The following AGXT2 variants were observed in gnomAD, a reference collection of about 807,000 sequenced individuals.
The protein encoded by AGXT2 is alanine--glyoxylate aminotransferase 2.
AGXT2 carries 61 observed loss-of-function variants against 62.5 expected under a neutral mutation model. The observed-to-expected ratio is 0.98, with a 90% CI of 0.79 to 1.21. AGXT2 has a LOEUF of 1.21. AGXT2 is among the 50% of genes most tolerant of loss of function. The pLI is 0.00. For synonymous variants in AGXT2, 243 were observed against 218.7 expected (o/e 1.11, Z -0.98); for missense variants, 666 against 641.5 (o/e 1.04, Z -0.41).
chr5:35,005,382 C>T (rs1404461562), intron 12 of AGXT2, among the ~76,000 whole-genome samples: 1 of 152,196 alleles, frequency 6.6e-6, no homozygotes, highest in East Asian at 1.9e-4. Context: ...GCACCTGCCA[C>T]CACACCTGGC....
intron 4 of AGXT2, 104 bp downstream of exon 4, chr5:35,036,838 G>T: frequency 6.4e-7 from 1 of 1,564,044 alleles, no homozygotes; most frequent in Non-Finnish European, 8.7e-7. Context: ...TGCTTCCTAG[G>T]GACGCTCCCC....
intron 8 of AGXT2, 29 bp from the exon 9 acceptor site, chr5:35,025,884 T>G (rs763466313): frequency 2.3e-5 from 37 of 1,585,426 alleles, no homozygotes; most frequent in Middle Eastern, 1.7e-4. Flanking sequence ...AGAAGACCTA[T>G]AATAATAGCA....
chr5:35,016,897 G>A (rs896650259), intron 9 of AGXT2, among the ~76,000 whole-genome samples: 9 of 152,190 alleles, frequency 5.9e-5, no homozygotes, highest in Admixed American at 4.6e-4. Context: ...GCATATGTTA[G>A]GGACAGAAGC....
chr5:35,046,366 T>A (rs1213592025), intron 1 of AGXT2, among the ~76,000 whole-genome samples: 2 of 152,078 alleles, frequency 1.3e-5, no homozygotes, highest in African/African-American at 4.8e-5. Context: ...TGGAGTTAGG[T>A]GATGTTCTGG....
intron 13 of AGXT2, 22 bp from the exon 14 acceptor site, chr5:34,998,848 A>G: frequency 6.6e-7 from 1 of 1,515,782 alleles, no homozygotes; most frequent in Non-Finnish European, 9.2e-7. Flanking sequence ...CCAAAAAATA[A>G]GAAAACAAAT....
chr5:35,017,228 T>A (rs1561218689), intron 9 of AGXT2, among the ~76,000 whole-genome samples: 1 of 152,182 alleles, frequency 6.6e-6, no homozygotes, highest in Non-Finnish European at 1.5e-5. Flanking sequence ...GCTAGTCATG[T>A]GGTTTTGGGA....
chr5:35,002,785 G>T (rs999315355), intron 13 of AGXT2, among the ~76,000 whole-genome samples: 10 of 152,082 alleles, frequency 6.6e-5, no homozygotes, highest in South Asian at 2.1e-4. Context: ...CTGGGGGGGG[G>T]GACTAACACG....
chr5:35,039,293 A>G (rs1767891272), intron 3 of AGXT2, 31 bp downstream of exon 3: 2 of 1,606,542 alleles, frequency 1.2e-6, no homozygotes, highest in South Asian at 2.2e-5. Flanking sequence ...TTCTTTTGGA[A>G]TAAAAATCTC....
At position 35,026,859 on chromosome 5, in the gene AGXT2, T is replaced by C. The variant is rs1767374444; in HGVS notation, c.770-349A>G. The C allele has an allele frequency of 4.1e-6, 4 of 985,362 alleles. 1 individual carries two copies. In the South Asian group the frequency reaches 1.9e-4, roughly 46 times the overall value. 61.0% of individuals were successfully genotyped at this position (985,362 alleles called of 1,614,324 possible). A position where few individuals can be genotyped will look rare whatever the true frequency, so the allele number is the denominator to read the frequency against. ...ATGCCCGTCCTCTCAAACAGGTGGA[T>C]CTAATTCAAATGTAATTAGAGCGAT... On this transcript the variant is annotated intron_variant, in intron 7 of 13. Transcript: ENST00000231420.
intron 13 of AGXT2, among the ~76,000 whole-genome samples, chr5:34,999,306 T>C (rs981249824): frequency 6.6e-6 from 1 of 152,236 alleles, no homozygotes; most frequent in Non-Finnish European, 1.5e-5. Context: ...TTCCTTTTCA[T>C]GAAGACTTCA....
intron 9 of AGXT2, among the ~76,000 whole-genome samples, chr5:35,017,306 G>C (rs1207984291): frequency 4.6e-5 from 7 of 152,110 alleles, no homozygotes; most frequent in Admixed American, 4.6e-4. Context: ...TAACCACCTT[G>C]GACCTACATT....
At chr5:35,019,361 T>G (rs552448810) in intron 9 of AGXT2, among the ~76,000 whole-genome samples, 8 of 148,230 alleles carry the variant, frequency 5.4e-5, no homozygotes, top group South Asian at 2.2e-4. Flanking sequence ...GAACAGAAAT[T>G]ATAACAAACT....
intron 4 of AGXT2, among the ~76,000 whole-genome samples, chr5:35,036,323 C>T (rs771370064): frequency 3.3e-5 from 5 of 152,138 alleles, no homozygotes; most frequent in African/African-American, 9.7e-5. Context: ...AGATAACACT[C>T]GGGACTGAGC....
chr5:35,026,095 G>C, intron 8 of AGXT2: 1 of 594,066 alleles, frequency 1.7e-6, no homozygotes, highest in East Asian at 2.9e-5. Context: ...TAGAATAAAA[G>C]AAATTGGTGA....
At position 35,028,592 on chromosome 5, in the gene AGXT2, AG is replaced by A. The variant is rs1580598097; in HGVS notation, c.770-2083del. 1.3e-3 allele frequency among the ~76,000 whole-genome samples: 188 copies of A among 150,142 alleles called. 2 individuals are homozygous for A. The highest frequency in any genetic ancestry group is 2.7e-3 in the African/African-American group (109 of 40,776). On this transcript the variant is annotated intron_variant, in intron 7 of 13. Transcript: ENST00000231420. ...GAGAGAGAGAGAGAGAGAGAGAGAG[AG>A]AGAGAGAGAGAGAGAGAGAGAGAGA...
In AGXT2 at chr5:35,010,000, C is replaced by T. The variant is rs778244122; in HGVS notation, c.1338G>A (p.Lys446=). ...LMIGIEMVQD[K]ISCRPLPREE... ...GAGAGAGGGGCAGATTAGCACCTAC[C>T]TTATCCTGCACCATTTCTATGCCTA... Residue 446 remains lysine (K), a splice_region_variant and synonymous_variant, in exon 12 of 14, where the codon AAG becomes AAA. Transcript: ENST00000231420. 6.2e-7 allele frequency: 1 copy of T among 1,614,220 alleles called. No individual in the cohort carries two copies. Among genetic ancestry groups the T allele is most frequent in the Non-Finnish European group, 8.5e-7 (1 of 1,180,046 alleles).
intron 7 of AGXT2, among the ~76,000 whole-genome samples, chr5:35,029,034 A>C (rs1561227080): frequency 6.6e-6 from 1 of 152,332 alleles, no homozygotes; most frequent in Non-Finnish European, 1.5e-5. Flanking sequence ...TATTCGGAAA[A>C]GTTTGATTGA....
intron 9 of AGXT2, among the ~76,000 whole-genome samples, chr5:35,024,981 A>T (rs1228156144): frequency 6.6e-6 from 1 of 152,184 alleles, no homozygotes; most frequent in Non-Finnish European, 1.5e-5. Context: ...AAAAAGAAAC[A>T]AACAAACAAA....
intron 9 of AGXT2, among the ~76,000 whole-genome samples, chr5:35,018,891 A>G (rs1766954176): frequency 6.8e-6 from 1 of 145,992 alleles, no homozygotes; most frequent in South Asian, 2.2e-4. Context: ...CTACCAAGCA[A>G]ATAGAAAACA....
Sources: allele counts gnomAD v4.1 joint callset (sites outside exome capture counted in the v4.1 genomes callset), GRCh38; gene constraint gnomAD v4.1.1; transcripts MANE v1.5; gene names NCBI Gene and HGNC (gene_info 2026-07-23, HGNC 2026-07-21).